Variants in GSE1 observed in about 807,000 individuals in gnomAD.
GSE1 encodes genetic suppressor element 1.
Under a neutral mutation model 112.6 loss-of-function variants are expected in GSE1, and 32 were observed. That is an observed-to-expected ratio of 0.28 (90% CI 0.21 to 0.38). The LOEUF (loss-of-function observed/expected upper bound fraction) is 0.38. GSE1 is among the 10% of genes least tolerant of loss of function. The pLI, the probability that GSE1 is intolerant of heterozygous loss-of-function variation, is 1.00. For missense variants in GSE1, 2,348 were observed against 1,699.2 expected (o/e 1.38, Z -6.71); for synonymous variants, 1,115 against 735.6 (o/e 1.52, Z -8.35).
chr16:85,551,724 T>C (rs899147206), upstream of GSE1, among the ~76,000 whole-genome samples: 4 of 152,240 alleles, frequency 2.6e-5, no homozygotes, highest in Non-Finnish European at 4.4e-5. Context: ...GACGCCCAGA[T>C]CCAGGGCCAA....
chr16:85,654,904 C>G lies in GSE1; in HGVS notation c.710C>G (p.Pro237Arg). 2 of 1,611,894 alleles carry G rather than the reference C, an allele frequency of 1.2e-6. No homozygotes were observed. The highest frequency in any genetic ancestry group is 8.5e-7 in the Non-Finnish European group (1 of 1,179,568). ...GACGACCTCCGCATGTCCTCACTGC[C>G]TCCCCTCGGCCTGGACCCGGCCACT... is the stretch of plus-strand genomic sequence containing the variant. ...TTDDLRMSSL[P>R]PLGLDPATAA... The change falls in exon 5 of 16, where the codon CCT (proline) becomes CGT (arginine). Residue 237 changes from proline to arginine, a missense_variant. Transcript: ENST00000253458.
At chr16:85,225,571 A>G (rs890539743) in intron 1 of GSE1, among the ~76,000 whole-genome samples, 11 of 152,184 alleles carry the variant, frequency 7.2e-5, no homozygotes, top group African/African-American at 2.7e-4. Context: ...GCTGCCGGGT[A>G]GAGAGCTGCT....
chr16:85,321,064 G>A (rs534528368), intron 1 of GSE1, among the ~76,000 whole-genome samples: 44 of 152,244 alleles, frequency 2.9e-4, no homozygotes, highest in South Asian at 4.1e-4. Context: ...AGTTTCCTGT[G>A]TACCCCTGGC....
chr16:85,670,914 C>T, intron 14 of GSE1, 81 bp from the exon 15 acceptor site: 1 of 851,054 alleles, frequency 1.2e-6, no homozygotes, highest in Non-Finnish European at 2.0e-6. Flanking sequence ...CTCTGCTGGG[C>T]AGGGTGTGAA....
chr16:85,489,802 G>T (rs987754594), intron 2 of GSE1: 17 of 152,400 alleles, frequency 1.1e-4, no homozygotes, highest in African/African-American at 4.1e-4. Flanking sequence ...GTTGAGATGA[G>T]GTCACATGGG....
intron 1 of GSE1, among the ~76,000 whole-genome samples, chr16:85,256,877 C>T (rs1907141131): frequency 6.6e-6 from 1 of 152,270 alleles, no homozygotes. Flanking sequence ...AATTCAGTTC[C>T]TCAGCTGCAC....
intron 2 of GSE1, among the ~76,000 whole-genome samples, chr16:85,503,569 C>T (rs776451603): frequency 9.2e-5 from 14 of 152,148 alleles, no homozygotes; most frequent in Non-Finnish European, 1.3e-4. Context: ...CTCTGATTGC[C>T]GCAGTCCAAT....
chr16:85,588,682 C>T (rs1047034447), intron 1 of GSE1, among the ~76,000 whole-genome samples: 1 of 152,214 alleles, frequency 6.6e-6, no homozygotes, highest in African/African-American at 2.4e-5. Flanking sequence ...ACTTGGCGGG[C>T]TGCATAAATC....
chr16:85,538,444 TAC>T (rs2044406927), intron 2 of GSE1, among the ~76,000 whole-genome samples: 1 of 152,240 alleles, frequency 6.6e-6, no homozygotes, highest in East Asian at 1.9e-4. Flanking sequence ...GGAGCAGAAA[TAC>T]ACAAATTCCC....
At chr16:85,637,384 G>A (rs1381796593) in intron 2 of GSE1, among the ~76,000 whole-genome samples, 1 of 152,228 alleles carries the variant, frequency 6.6e-6, no homozygotes, top group African/African-American at 2.4e-5. Context: ...GTGGGGCCAC[G>A]AACCCGCAGC....
At chr16:85,421,245 C>T (rs2151739129) in intron 2 of GSE1, among the ~76,000 whole-genome samples, 1 of 150,530 alleles carries the variant, frequency 6.6e-6, no homozygotes, top group South Asian at 2.1e-4. Context: ...GATTTGGGCC[C>T]AAGACTGGGG....
intron 2 of GSE1, among the ~76,000 whole-genome samples, chr16:85,362,006 G>C (rs2047092393): frequency 6.6e-6 from 1 of 152,216 alleles, no homozygotes; most frequent in Non-Finnish European, 1.5e-5. Flanking sequence ...TTGGTTCCCA[G>C]GTGTTGCATT....
At chr16:85,285,040 G>C (rs148627831) in intron 1 of GSE1, 1 of 152,250 alleles carries the variant, frequency 6.6e-6, no homozygotes, top group East Asian at 1.9e-4. Context: ...GCAAAAGTGT[G>C]ATGAAGAACG....
At chr16:85,512,404 G>A (rs755604782) in intron 2 of GSE1, among the ~76,000 whole-genome samples, 2 of 152,156 alleles carry the variant, frequency 1.3e-5, no homozygotes, top group African/African-American at 2.4e-5. Flanking sequence ...CTCCACACTC[G>A]CCGTGCTTCT....
chr16:85,213,976 G>C (rs1282024450), intron 1 of GSE1, among the ~76,000 whole-genome samples: 1 of 152,264 alleles, frequency 6.6e-6, no homozygotes, highest in East Asian at 1.9e-4. Context: ...GAGAAAAAGA[G>C]AGAGGGCTGT....
chr16:85,282,110 C>G (rs745458633), intron 1 of GSE1, among the ~76,000 whole-genome samples: 2 of 152,042 alleles, frequency 1.3e-5, no homozygotes, highest in Admixed American at 1.3e-4. Flanking sequence ...CCACTGCAAC[C>G]TCTGCCTCCT....
chr16:85,364,335 G>A (rs572441628), intron 2 of GSE1, among the ~76,000 whole-genome samples: 19 of 152,276 alleles, frequency 1.2e-4, no homozygotes, highest in African/African-American at 4.3e-4. Flanking sequence ...CCAGGCCCAC[G>A]TGGCTAATCC....
At chr16:85,440,079 C>T (rs2049341171) in intron 2 of GSE1, among the ~76,000 whole-genome samples, 1 of 152,260 alleles carries the variant, frequency 6.6e-6, no homozygotes, top group South Asian at 2.1e-4. Flanking sequence ...AAATTGACAT[C>T]CCGTGTCTTG....
intron 8 of GSE1, 60 bp from the exon 9 acceptor site, chr16:85,661,083 GGAA>G: frequency 6.8e-7 from 1 of 1,475,438 alleles, no homozygotes; most frequent in Middle Eastern, 1.8e-4. Flanking sequence ...AGGCAGCCAG[GGAA>G]GCCTGTGGAT....
Sources: gnomAD v4.1 joint callset for allele counts (sites outside exome capture counted in the v4.1 genomes callset) on GRCh38, gnomAD v4.1.1 for gene constraint, MANE v1.5 for transcripts, NCBI Gene and HGNC (gene_info 2026-07-23, HGNC 2026-07-21) for gene names.